Variants in ACKR2 observed in about 807,000 individuals in gnomAD.
The protein encoded by ACKR2 is C-C chemokine receptor D6.
For missense variants in ACKR2, 457 were observed against 477.3 expected (o/e 0.96, Z 0.40); for synonymous variants, 207 against 192.2 (o/e 1.08, Z -0.64).
chr3:42,860,909 A>C (rs1311311159), intron 2 of ACKR2, among the ~76,000 whole-genome samples: 1 of 152,222 alleles, frequency 6.6e-6, no homozygotes, highest in South Asian at 2.1e-4. Flanking sequence ...AGGAGAAAGC[A>C]GGAAAGATTT....
chr3:42,845,115 G>A (rs1432467073), intron 2 of ACKR2, among the ~76,000 whole-genome samples: 5 of 152,082 alleles, frequency 3.3e-5, no homozygotes, highest in Admixed American at 6.5e-5. Flanking sequence ...CCTAAGTCCC[G>A]CAAACACCAG....
chr3:42,864,835 C>T lies in ACKR2; in HGVS notation c.333C>T (p.Val111=), dbSNP rs377451462. Residue 111 remains valine (V), a synonymous_variant, in exon 3 of 3, where the codon GTC becomes GTT. Coordinates refer to ENST00000422265, the MANE Select transcript of ACKR2 (RefSeq NM_001296.5). ...FWGISVAWHW[V]FGSFLCKMVS... ...GCATCTCCGTGGCCTGGCATTGGGT[C>T]TTCGGGAGTTTCTTGTGCAAGATGG... 2.3e-5 allele frequency: 37 copies of T among 1,614,178 alleles called. 1 individual carries two copies. The South Asian group carries it at 3.5e-4, about 15-fold the overall frequency.
At chr3:42,845,844 G>A (rs373021729) in intron 2 of ACKR2, among the ~76,000 whole-genome samples, 17 of 120,470 alleles carry the variant, frequency 1.4e-4, no homozygotes, top group South Asian at 7.9e-4. Context: ...GCAAGACTCC[G>A]TCTCAAAAAA....
In ACKR2 at chr3:42,852,599, T is replaced by C. The variant is rs1303408306; in HGVS notation, c.-37-11867T>C. ...GGAGAAGCAGACAGCTATGTCTAGC[T>C]GGAAGCTGCAAGGGGACTCCTGCCC... On this transcript the variant is annotated intron_variant, in intron 2 of 2. Coordinates refer to ENST00000422265, the MANE Select transcript of ACKR2 (RefSeq NM_001296.5). The surrounding 1 kb of genome is among the most constrained non-coding windows in gnomAD (Gnocchi z 4.3). Among the ~76,000 whole-genome samples, 18 of 152,152 alleles carry C rather than the reference T, an allele frequency of 1.2e-4. No homozygotes were observed.
chr3:42,856,494 T>G, intron 2 of ACKR2: 1 of 693,068 alleles, frequency 1.4e-6, no homozygotes. Context: ...GATAAAACTT[T>G]TATCAGAAAG....
At position 42,865,959 on chromosome 3, in the gene ACKR2, C is replaced by G. The variant is rs1343725388; in HGVS notation, c.*302C>G. The G allele has an allele frequency of 6.3e-6, 2 of 317,224 alleles. No homozygotes were observed. The highest frequency in any genetic ancestry group is 1.5e-4 in the East Asian group (2 of 13,000). The allele number at this position is 317,224 out of a possible 1,614,324, so 19.7% of individuals were successfully genotyped here. A position where few individuals can be genotyped will look rare whatever the true frequency, so the allele number is the denominator to read the frequency against. Reference sequence around the variant, plus strand: ...CCCTCGCTTCTTCCCTTCCTCCTTTCCTCCCTTCCTACTTTCCTTCCTTCC... The same window carrying G: ...CCCTCGCTTCTTCCCTTCCTCCTTTGCTCCCTTCCTACTTTCCTTCCTTCC... On this transcript the variant is annotated 3_prime_UTR_variant, in exon 3 of 3. Coordinates refer to ENST00000422265, the MANE Select transcript of ACKR2 (RefSeq NM_001296.5).
Position 42,856,171 on chromosome 3 carries a change from G to A in ACKR2, c.-37-8295G>A, listed in dbSNP as rs970743128. 30 of 494,908 alleles carry A rather than the reference G, an allele frequency of 6.1e-5. No homozygotes were observed. The Middle Eastern group carries it at 1.6e-3, about 26-fold the overall frequency. 30.7% of individuals were successfully genotyped at this position (494,908 alleles called of 1,614,324 possible). A position where few individuals can be genotyped will look rare whatever the true frequency, so the allele number is the denominator to read the frequency against. On this transcript the variant is annotated intron_variant, in intron 2 of 2. Transcript: ENST00000422265. ...GAGGACAGGAAGACCAGCAGAAAAAGGCACTGGGTAAAGTTCCTAAGGTTG... is the reference window on the plus strand; with the variant it reads ...GAGGACAGGAAGACCAGCAGAAAAAAGCACTGGGTAAAGTTCCTAAGGTTG...
At chr3:42,835,257 A>T (rs556660636) in intron 2 of ACKR2, 1 of 151,884 alleles carries the variant, frequency 6.6e-6, no homozygotes, top group East Asian at 1.9e-4. Context: ...GCCCATGAAG[A>T]TGCTCTCCCA....
At chr3:42,825,668 A>C (rs951306557) in intron 2 of ACKR2, among the ~76,000 whole-genome samples, 1 of 151,664 alleles carries the variant, frequency 6.6e-6, no homozygotes, top group Non-Finnish European at 1.5e-5. Context: ...AATAGAGGAA[A>C]TTTCAGTGCT....
At chr3:42,816,663 T>G (rs538377826) in intron 1 of ACKR2, among the ~76,000 whole-genome samples, 5 of 152,036 alleles carry the variant, frequency 3.3e-5, no homozygotes, top group African/African-American at 4.8e-5. Context: ...TTCAAGTAAT[T>G]CTCATGCCTC....
Position 42,866,177 on chromosome 3 carries a change from CTT to C in ACKR2, c.*535_*536del, listed in dbSNP as rs59894863. ...TTTTTTTTCTTTCTTTCTTTCTTTT[CTT>C]TTTTTTTTTTTTTTGAGACGGAGTC... is the stretch of plus-strand genomic sequence containing the variant. On this transcript the variant is annotated 3_prime_UTR_variant, in exon 3 of 3. Coordinates refer to ENST00000422265, the MANE Select transcript of ACKR2 (RefSeq NM_001296.5). The C allele has an allele frequency of 4.9e-5, 6 of 122,018 alleles. No individual in the cohort carries two copies. The highest frequency in any genetic ancestry group is 2.6e-4 in the South Asian group (1 of 3,818). The allele number at this position is 122,018 out of a possible 1,614,324, so 7.6% of individuals were successfully genotyped here. A position where few individuals can be genotyped will look rare whatever the true frequency, so the allele number is the denominator to read the frequency against.
At chr3:42,831,675 C>G (rs1157874185) in intron 2 of ACKR2, among the ~76,000 whole-genome samples, 2 of 152,230 alleles carry the variant, frequency 1.3e-5, no homozygotes, top group African/African-American at 4.8e-5. Context: ...GCAGGGCTCC[C>G]TTCTCTTCCA....
Position 42,865,475 on chromosome 3 carries a change from G to A in ACKR2, c.973G>A (p.Ala325Thr), listed in dbSNP as rs2125627023. ...TCACCGCTTCCGCCAGTACCTGAAGGCTTTCCTGGCTGCCGTGCTTGGATG... is the reference window on the plus strand; with the variant it reads ...TCACCGCTTCCGCCAGTACCTGAAGACTTTCCTGGCTGCCGTGCTTGGATG... ...SSHRFRQYLK[A>T]FLAAVLGWHL... The change falls in exon 3 of 3, where the codon GCT becomes ACT. Residue 325 changes from alanine to threonine, a missense_variant. Transcript: ENST00000422265. 1 of 1,614,122 alleles carries A rather than the reference G, an allele frequency of 6.2e-7. No homozygotes were observed. The highest frequency in any genetic ancestry group is 2.2e-5 in the East Asian group (1 of 44,870).
intron 2 of ACKR2, among the ~76,000 whole-genome samples, chr3:42,822,870 A>G (rs1012095261): frequency 6.6e-6 from 1 of 151,656 alleles, no homozygotes; most frequent in Non-Finnish European, 1.5e-5. Context: ...TGTTATTCCA[A>G]TCTGCCCCCC....
intron 2 of ACKR2, among the ~76,000 whole-genome samples, chr3:42,858,431 C>T (rs1472976036): frequency 6.6e-6 from 1 of 152,088 alleles, no homozygotes; most frequent in Non-Finnish European, 1.5e-5. Flanking sequence ...AGCAGAGGGG[C>T]CTGACTGTTA....
At chr3:42,838,934 A>G (rs1490073777) in intron 2 of ACKR2, among the ~76,000 whole-genome samples, 1 of 152,250 alleles carries the variant, frequency 6.6e-6, no homozygotes, top group Non-Finnish European at 1.5e-5. Flanking sequence ...TCCTCGAAAC[A>G]TACCCAACAG....
At chr3:42,861,871 T>A (rs1054897569) in intron 2 of ACKR2, among the ~76,000 whole-genome samples, 10 of 152,136 alleles carry the variant, frequency 6.6e-5, no homozygotes, top group African/African-American at 2.2e-4. Flanking sequence ...CTCAAAATAA[T>A]AAGAGCTATT....
chr3:42,823,838 G>T (rs1321992438), intron 2 of ACKR2, among the ~76,000 whole-genome samples: 1 of 152,164 alleles, frequency 6.6e-6, no homozygotes, highest in East Asian at 1.9e-4. Context: ...GTCCTAGTTT[G>T]TTCTACACTA....
At chr3:42,814,870 G>A (rs1322959217) in intron 1 of ACKR2, among the ~76,000 whole-genome samples, 1 of 152,164 alleles carries the variant, frequency 6.6e-6, no homozygotes, top group East Asian at 1.9e-4. Flanking sequence ...AGGCTTCTTG[G>A]GACTGGGGCT....
Sources: gnomAD v4.1 joint callset for allele counts (sites outside exome capture counted in the v4.1 genomes callset) on GRCh38, gnomAD v4.1.1 for gene constraint, Gnocchi (gnomAD v3.1) non-coding constraint, MANE v1.5 for transcripts, NCBI Gene and HGNC (gene_info 2026-07-23, HGNC 2026-07-21) for gene names.